MYBL2: variants seen among roughly 807,000 people sequenced by gnomAD.
MYBL2 encodes MYB proto-oncogene like 2.
In MYBL2, 28 loss-of-function variants were observed where a neutral mutation model predicts 79.9. The ratio of observed to expected loss-of-function variants is 0.35; its 90% CI spans 0.26 to 0.48. The LOEUF (loss-of-function observed/expected upper bound fraction) is 0.48, where lower values mean the gene tolerates loss of function less well. MYBL2 is among the 20% of genes least tolerant of loss of function. The pLI is 0.99. For synonymous variants in MYBL2, 378 were observed against 361.2 expected (o/e 1.05, Z -0.53); for missense variants, 735 against 893.9 (o/e 0.82, Z 2.27).
At chr20:43,690,356 C>T (rs1987377923) in intron 5 of MYBL2, among the ~76,000 whole-genome samples, 1 of 152,138 alleles carries the variant, frequency 6.6e-6, no homozygotes, top group African/African-American at 2.4e-5. Flanking sequence ...CAGGTATGCA[C>T]CACCACGCCT....
chr20:43,713,179 C>A, intron 12 of MYBL2, 73 bp downstream of exon 12: 1 of 1,331,538 alleles, frequency 7.5e-7, no homozygotes, highest in African/African-American at 1.5e-5. Context: ...TAGTGACTCT[C>A]CAACTGGGCT....
intron 4 of MYBL2, among the ~76,000 whole-genome samples, chr20:43,683,975 C>G (rs1279365062): frequency 6.6e-6 from 1 of 152,028 alleles, no homozygotes; most frequent in Non-Finnish European, 1.5e-5. Context: ...GTCACCCAGG[C>G]TGGGGTACAG....
At chr20:43,673,936 G>C (rs1367717587) in intron 2 of MYBL2, 37 bp downstream of exon 2, 2 of 1,519,928 alleles carry the variant, frequency 1.3e-6, no homozygotes, top group Non-Finnish European at 1.8e-6. Flanking sequence ...GATGGCAGCT[G>C]GGGGCTGTCC....
intron 2 of MYBL2, among the ~76,000 whole-genome samples, chr20:43,677,226 T>A (rs1201105158): frequency 6.6e-6 from 1 of 152,190 alleles, no homozygotes. Flanking sequence ...CAGAGCAGAT[T>A]TCTCTCTGGA....
chr20:43,714,087 G>C (rs1987974127), intron 12 of MYBL2, among the ~76,000 whole-genome samples: 1 of 152,200 alleles, frequency 6.6e-6, no homozygotes, highest in Non-Finnish European at 1.5e-5. Flanking sequence ...TCACCGCAGG[G>C]AGTGAAGAGC....
At chr20:43,695,942 G>A (rs535462645) in intron 6 of MYBL2, among the ~76,000 whole-genome samples, 2 of 152,238 alleles carry the variant, frequency 1.3e-5, no homozygotes, top group East Asian at 3.9e-4. Context: ...CACTTGAACT[G>A]GCGTGGCGGA....
At chr20:43,698,351 ATTTTTTTTTTTTTTTTTTTTTTTTTTTT>A (rs71193701) in intron 6 of MYBL2, among the ~76,000 whole-genome samples, 5 of 49,092 alleles carry the variant, frequency 1.0e-4, no homozygotes, top group African/African-American at 3.7e-4. Context: ...CGCCCCGCAT[ATTTTTTTTTTTTTTTTTTTTTTTTTTTT>A]TTTTTTTTTT....
rs775554146 is a variant in MYBL2 at position 43,715,151 on chromosome 20, A to G, written c.1842A>G (p.Ser614=). Residue 614 remains serine, a synonymous_variant, in exon 13 of 14, where the codon TCA becomes TCG. Coordinates refer to ENST00000217026, the MANE Select transcript of MYBL2 (RefSeq NM_002466.4). ...GGTTTCAGCCGACAACTGCCCCTTC[A>G]AACTCTTCCAGCCTCACCCTGTCAG... ...KSLSLPTTAP[S]NSSSLTLSGI... The G allele has an allele frequency of 6.2e-7, 1 of 1,614,138 alleles. No homozygotes were observed. The highest frequency in any genetic ancestry group is 1.3e-5 in the African/African-American group (1 of 75,030).
chr20:43,713,585 C>G (rs540995011), intron 12 of MYBL2, among the ~76,000 whole-genome samples: 1 of 152,100 alleles, frequency 6.6e-6, no homozygotes, highest in Non-Finnish European at 1.5e-5. Flanking sequence ...CGGGGTTTCT[C>G]CATGTTGGTC....
intron 5 of MYBL2, among the ~76,000 whole-genome samples, chr20:43,688,775 GCTTA>G (rs1404041863): frequency 1.3e-5 from 2 of 151,710 alleles, no homozygotes. Flanking sequence ...GGTTTCAATA[GCTTA>G]CTTCTCTGTC....
chr20:43,688,637 C>T (rs1461703355), intron 5 of MYBL2, among the ~76,000 whole-genome samples: 1 of 152,088 alleles, frequency 6.6e-6, no homozygotes, highest in Non-Finnish European at 1.5e-5. Flanking sequence ...CTCATGCCAG[C>T]ATACCCAGCT....
chr20:43,710,048 C>T lies in MYBL2; in HGVS notation c.1591C>T (p.Pro531Ser). The T allele has an allele frequency of 6.2e-7, 1 of 1,604,270 alleles. No homozygotes were observed. The highest frequency in any genetic ancestry group is 8.5e-7 in the Non-Finnish European group (1 of 1,175,146). ...PFKNALEKYG[P>S]LKPLPQTPHL... ...CAAGAACGCCCTGGAGAAGTACGGACCCCTGAAGCCCCTGGTACGTGGTGT... is the reference window on the plus strand; with the variant it reads ...CAAGAACGCCCTGGAGAAGTACGGATCCCTGAAGCCCCTGGTACGTGGTGT... Residue 531 changes from proline (P) to serine (S), a missense_variant, in exon 10 of 14, where the codon CCC becomes TCC. Physicochemically the swap from Pro to Ser is moderately conservative, Grantham distance 74. Transcript: ENST00000217026.
At chr20:43,676,989 C>T (rs1987025853) in intron 2 of MYBL2, among the ~76,000 whole-genome samples, 1 of 152,114 alleles carries the variant, frequency 6.6e-6, no homozygotes, top group African/African-American at 2.4e-5. Flanking sequence ...AGCAATCTTC[C>T]TGCCTTGGCC....
At position 43,689,039 on chromosome 20, in the gene MYBL2, C is replaced by T. The variant is rs62226228; in HGVS notation, c.500+1967C>T. ...TCCTGACCTCAGGTGATCTGCCTGC[C>T]TTGGGCCTCCCGAAGTGCTGAGATT... On this transcript the variant is annotated intron_variant, in intron 5 of 13. Coordinates refer to ENST00000217026, the MANE Select transcript of MYBL2 (RefSeq NM_002466.4). 7.0e-3 allele frequency among the ~76,000 whole-genome samples: 1,070 copies of T among 152,204 alleles called. 6 individuals carry two copies. The highest frequency in any genetic ancestry group is 0.012 in the Non-Finnish European group (807 of 68,016).
chr20:43,714,135 C>T (rs1210836662), intron 12 of MYBL2, among the ~76,000 whole-genome samples: 1 of 152,130 alleles, frequency 6.6e-6, no homozygotes, highest in African/African-American at 2.4e-5. Flanking sequence ...TGAGTTATGA[C>T]ACCATCACTG....
chr20:43,673,089 A>G (rs936433430), intron 1 of MYBL2, among the ~76,000 whole-genome samples: 5 of 151,946 alleles, frequency 3.3e-5, no homozygotes, highest in African/African-American at 4.8e-5. Flanking sequence ...GATTACAGGC[A>G]TGCGCCACCG....
intron 6 of MYBL2, among the ~76,000 whole-genome samples, chr20:43,698,314 T>TGTTGGG (rs1368915313): frequency 6.0e-5 from 9 of 150,476 alleles, no homozygotes; most frequent in Non-Finnish European, 1.3e-4. Context: ...CCTCCCAAAG[T>TGTTGGG]GTTGGGATTA....
chr20:43,713,676 C>T (rs12625240), intron 12 of MYBL2, among the ~76,000 whole-genome samples: 8,073 of 152,246 alleles, frequency 0.053, 248 homozygotes, highest in Middle Eastern at 0.11. Flanking sequence ...CGTGAGTCAC[C>T]GTGCCCAGCC....
intron 9 of MYBL2, among the ~76,000 whole-genome samples, chr20:43,708,576 G>A (rs1475131156): frequency 1.3e-5 from 2 of 152,230 alleles, no homozygotes; most frequent in East Asian, 1.9e-4. Flanking sequence ...GGGACTACAA[G>A]CACCACCATG....
Sources: gnomAD v4.1 joint callset for allele counts (sites outside exome capture counted in the v4.1 genomes callset) on GRCh38, gnomAD v4.1.1 for gene constraint, MANE v1.5 for transcripts, NCBI Gene and HGNC (gene_info 2026-07-23, HGNC 2026-07-21) for gene names.